Variants in SYNJ1 observed in about 807,000 individuals in gnomAD.
SYNJ1 encodes polyphosphatidylinositol phosphatase SYNJ1.
Under a neutral mutation model 168.2 loss-of-function variants are expected in SYNJ1, and 78 were observed. The ratio of observed to expected loss-of-function variants is 0.46; its 90% CI spans 0.39 to 0.56. The LOEUF (loss-of-function observed/expected upper bound fraction) is 0.56, where lower values mean the gene tolerates loss of function less well. SYNJ1 is among the 20% of genes least tolerant of loss of function. The pLI is 0.00. For missense variants in SYNJ1, 1,303 were observed against 1,597.6 expected (o/e 0.82, Z 3.14); for synonymous variants, 539 against 548.6 (o/e 0.98, Z 0.24).
At chr21:32,720,981 C>T (rs1439040315) in intron 2 of SYNJ1, among the ~76,000 whole-genome samples, 4 of 152,240 alleles carry the variant, frequency 2.6e-5, no homozygotes, top group Non-Finnish European at 5.9e-5. Flanking sequence ...TCTCCTGTGA[C>T]AGTCTTTGTG....
intron 3 of SYNJ1, among the ~76,000 whole-genome samples, chr21:32,700,315 C>G (rs147026419): frequency 1.3e-5 from 2 of 152,144 alleles, no homozygotes; most frequent in Admixed American, 6.5e-5. Flanking sequence ...ACAGGATAAT[C>G]TCACACGAAA....
At chr21:32,658,447 G>A (rs845005) in intron 18 of SYNJ1, 12,584 of 152,198 alleles carry the variant, frequency 0.083, 679 homozygotes, top group South Asian at 0.16. Context: ...CATTTTCATC[G>A]GCAATAAAAT....
At chr21:32,703,622 A>G (rs2146244057) in intron 2 of SYNJ1, among the ~76,000 whole-genome samples, 2 of 152,358 alleles carry the variant, frequency 1.3e-5, no homozygotes, top group South Asian at 4.1e-4. Flanking sequence ...ACAATCACTA[A>G]TATAGTAATA....
intron 31 of SYNJ1, among the ~76,000 whole-genome samples, chr21:32,637,225 G>T (rs1650453319): frequency 6.6e-6 from 1 of 151,940 alleles, no homozygotes; most frequent in African/African-American, 2.4e-5. Flanking sequence ...AGAAAGCTCA[G>T]AGTGGCTAGT....
intron 2 of SYNJ1, 129 bp downstream of exon 2, chr21:32,726,643 A>G: frequency 8.2e-7 from 1 of 1,218,856 alleles, no homozygotes; most frequent in Non-Finnish European, 1.1e-6. Context: ...AAAAGGAAAT[A>G]CAAGCATAAT....
At chr21:32,670,624 G>GA (rs983407735) in intron 14 of SYNJ1, 5 of 359,492 alleles carry the variant, frequency 1.4e-5, no homozygotes, top group Middle Eastern at 1.4e-3. Context: ...AATTCACTTT[G>GA]AAAAAACTCT....
At position 32,646,958 on chromosome 21, in the gene SYNJ1, C is replaced by T. The variant is rs537468163; in HGVS notation, c.3038-356G>A. Among the ~76,000 whole-genome samples the T allele has an allele frequency of 1.2e-4, 19 of 152,282 alleles. No individual in the cohort carries two copies. In the South Asian group the frequency reaches 3.3e-3, roughly 27 times the overall value. On this transcript the variant is annotated intron_variant, in intron 23 of 32. Coordinates refer to ENST00000674351, the MANE Select transcript of SYNJ1 (RefSeq NM_203446.3). ...CTGTCCACTGTGCTCTGTGGAACTG[C>T]CCCACTCCCTTGCCTAACCCAGGTC...
rs956695580 is a variant in SYNJ1, at chr21:32,630,836, T to C, written c.*969A>G. 1.5e-6 allele frequency: 1 copy of C among 687,574 alleles called. No individual in the cohort carries two copies. The highest frequency in any genetic ancestry group is 2.6e-5 in the South Asian group (1 of 38,500). The allele number at this position is 687,574 out of a possible 1,614,324, so 42.6% of individuals were successfully genotyped here. A position where few individuals can be genotyped will look rare whatever the true frequency, so the allele number is the denominator to read the frequency against. Reference sequence around the variant, plus strand: ...GAGAAGGGTTTTTCCTTATTTCCAATATACACATAGTCCAACTCTGTACAC... The same window carrying C: ...GAGAAGGGTTTTTCCTTATTTCCAACATACACATAGTCCAACTCTGTACAC... On this transcript the variant is annotated 3_prime_UTR_variant, in exon 33 of 33. Transcript: ENST00000674351.
At chr21:32,698,538 T>C (rs1215630410) in intron 4 of SYNJ1, among the ~76,000 whole-genome samples, 1 of 152,166 alleles carries the variant, frequency 6.6e-6, no homozygotes, top group East Asian at 1.9e-4. Flanking sequence ...TAATAATACA[T>C]AATTTGCACA....
chr21:32,696,203 T>C (rs1325558514), intron 4 of SYNJ1, among the ~76,000 whole-genome samples: 3 of 152,206 alleles, frequency 2.0e-5, no homozygotes, highest in African/African-American at 7.2e-5. Flanking sequence ...TTTTAATTAA[T>C]TTAAATTTAA....
At chr21:32,688,606 T>G (rs919771123) in intron 6 of SYNJ1, among the ~76,000 whole-genome samples, 8 of 152,202 alleles carry the variant, frequency 5.3e-5, no homozygotes, top group African/African-American at 1.9e-4. Flanking sequence ...GAAATACTCG[T>G]AAACTAGTAG....
chr21:32,664,515 C>CCTGTT (rs10649320), intron 18 of SYNJ1, among the ~76,000 whole-genome samples: 81,147 of 151,402 alleles, frequency 0.54, 21,888 homozygotes, highest in Admixed American at 0.57. Context: ...AAATCCCTGT[C>CCTGTT]CTGTTCCATT....
In SYNJ1 at chr21:32,628,927, A is replaced by G. The variant is rs895087969; in HGVS notation, c.*2878T>C. On this transcript the variant is annotated 3_prime_UTR_variant, in exon 33 of 33. Transcript: ENST00000674351. ...TCTTACATATAAACAGCAATCTAAT[A>G]TAGAGAACACAGAGTTCACAAAGAG... is the stretch of plus-strand genomic sequence containing the variant. The G allele has an allele frequency of 3.9e-5, 6 of 152,684 alleles. No individual in the cohort carries two copies. Among genetic ancestry groups the G allele is most frequent in the African/African-American group, 1.4e-4 (6 of 41,466 alleles). The allele number at this position is 152,684 out of a possible 1,614,324, so 9.5% of individuals were successfully genotyped here.
chr21:32,643,550 A>C (rs2039941007), intron 26 of SYNJ1, 93 bp from the exon 27 acceptor site: 1 of 1,327,694 alleles, frequency 7.5e-7, no homozygotes, highest in African/African-American at 1.5e-5. Context: ...TAGTAAACTC[A>C]CTTTTGCAAA....
intron 2 of SYNJ1, among the ~76,000 whole-genome samples, chr21:32,704,182 C>T (rs555275322): frequency 6.6e-6 from 1 of 152,098 alleles, no homozygotes; most frequent in African/African-American, 2.4e-5. Context: ...CTGATGAAGG[C>T]CCATCTATTA....
Position 32,629,650 on chromosome 21 carries a change from T to G in SYNJ1, c.*2155A>C, listed in dbSNP as rs2039246415. On this transcript the variant is annotated 3_prime_UTR_variant, in exon 33 of 33. Coordinates refer to ENST00000674351, the MANE Select transcript of SYNJ1 (RefSeq NM_203446.3). ...TATACAACTCTTTATATAAAAGGAA[T>G]GTTAATGTAAGTCTTAATGGGTAAA... The G allele has an allele frequency of 6.6e-6, 1 of 152,488 alleles. No individual in the cohort carries two copies. Among genetic ancestry groups the G allele is most frequent in the Admixed American group, 6.5e-5 (1 of 15,278 alleles). The allele number at this position is 152,488 out of a possible 1,614,324, so 9.4% of individuals were successfully genotyped here.
chr21:32,682,262 A>G (rs910289809), intron 10 of SYNJ1, among the ~76,000 whole-genome samples: 3 of 152,194 alleles, frequency 2.0e-5, no homozygotes, highest in Admixed American at 1.3e-4. Flanking sequence ...ATATAACAAT[A>G]AAAGTGTTCC....
intron 9 of SYNJ1, 124 bp from the exon 10 acceptor site, chr21:32,684,243 T>C (rs1359203352): frequency 3.7e-6 from 3 of 803,674 alleles, no homozygotes; most frequent in Admixed American, 4.9e-5. Flanking sequence ...TATTACAGTA[T>C]TCAAATATAC....
In SYNJ1 at chr21:32,659,497, T is replaced by C. The variant is rs1007562544; in HGVS notation, c.2305-1625A>G. On this transcript the variant is annotated intron_variant, in intron 18 of 32. Transcript: ENST00000674351. ...GCCCAGCACTGCGCCCTGGGCCTGG[T>C]GGTTAAAAATCAACCCCTGACCTAA... Among the ~76,000 whole-genome samples, 9 of 152,244 alleles carry C rather than the reference T, an allele frequency of 5.9e-5. No individual in the cohort carries two copies. The East Asian group carries it at 1.5e-3, about 26-fold the overall frequency.
Sources: allele counts gnomAD v4.1 joint callset (sites outside exome capture counted in the v4.1 genomes callset), GRCh38; gene constraint gnomAD v4.1.1; transcripts MANE v1.5; gene names NCBI Gene and HGNC (gene_info 2026-07-23, HGNC 2026-07-21).